Variants in KHDRBS3 observed in about 807,000 individuals in gnomAD.
KHDRBS3 encodes the protein KH domain-containing, RNA-binding, signal transduction-associated protein 3.
KHDRBS3 carries 23 observed loss-of-function variants against 45.6 expected under a neutral mutation model. The ratio of observed to expected loss-of-function variants is 0.50; its 90% CI spans 0.36 to 0.72. The LOEUF (loss-of-function observed/expected upper bound fraction) is 0.72, where lower values mean the gene tolerates loss of function less well. Ranked by LOEUF, KHDRBS3 falls within the 30% of genes least tolerant of loss-of-function variation. The pLI is 0.00. For missense variants in KHDRBS3, 352 were observed against 424.8 expected, an observed-to-expected ratio of 0.83 and a Z score of 1.51; for synonymous variants, 162 against 156.5, an observed-to-expected ratio of 1.04 and a Z score of -0.26.
intron 1 of KHDRBS3, among the ~76,000 whole-genome samples, chr8:135,487,483 A>G (rs533583875): frequency 2.0e-5 from 3 of 152,206 alleles, no homozygotes; most frequent in Non-Finnish European, 2.9e-5. Context: ...TCTGCTTTCA[A>G]GATGTACATA....
chr8:135,529,845 G>A (rs1304914778), intron 2 of KHDRBS3, among the ~76,000 whole-genome samples: 1 of 152,070 alleles, frequency 6.6e-6, no homozygotes, highest in African/African-American at 2.4e-5. Flanking sequence ...CAGATCACGA[G>A]GTCAGGAGAT....
intron 2 of KHDRBS3, among the ~76,000 whole-genome samples, chr8:135,533,415 A>G (rs1026767334): frequency 4.6e-5 from 7 of 152,168 alleles, no homozygotes; most frequent in African/African-American, 1.7e-4. Context: ...TTAATGATGA[A>G]TCTTGGCCTA....
intron 5 of KHDRBS3, among the ~76,000 whole-genome samples, chr8:135,563,929 G>A (rs949899268): frequency 6.6e-6 from 1 of 152,174 alleles, no homozygotes; most frequent in Admixed American, 6.5e-5. Flanking sequence ...GAAGAAACAT[G>A]AACAAAAGAG....
At chr8:135,458,020 AG>A in intron 1 of KHDRBS3, 66 bp downstream of exon 1, 6 of 1,501,202 alleles carry the variant, frequency 4.0e-6, no homozygotes, top group East Asian at 2.6e-5. Context: ...GCGGGGGCCC[AG>A]GGGGCCCCTC....
chr8:135,530,189 A>G (rs1183953218), intron 2 of KHDRBS3, among the ~76,000 whole-genome samples: 1 of 152,206 alleles, frequency 6.6e-6, no homozygotes, highest in African/African-American at 2.4e-5. Context: ...CCAAAAAGCA[A>G]AAATATTTTT....
intron 6 of KHDRBS3, among the ~76,000 whole-genome samples, chr8:135,590,785 T>G (rs527940994): frequency 2.3e-4 from 35 of 152,318 alleles, no homozygotes; most frequent in Middle Eastern, 3.4e-3. Context: ...TAAAATTGCC[T>G]TAGGGATTCT....
At chr8:135,532,496 C>T (rs553687280) in intron 2 of KHDRBS3, among the ~76,000 whole-genome samples, 23 of 152,258 alleles carry the variant, frequency 1.5e-4, no homozygotes, top group African/African-American at 5.3e-4. Flanking sequence ...CGTGCTAATA[C>T]ATTTGGGTGC....
intron 2 of KHDRBS3, among the ~76,000 whole-genome samples, chr8:135,530,829 A>G (rs1001985140): frequency 6.6e-6 from 1 of 152,166 alleles, no homozygotes; most frequent in Non-Finnish European, 1.5e-5. Flanking sequence ...TTCAGATACC[A>G]TTCATTTACT....
downstream of KHDRBS3, among the ~76,000 whole-genome samples, chr8:135,652,517 A>C (rs914560066): frequency 6.6e-6 from 1 of 152,234 alleles, no homozygotes; most frequent in Non-Finnish European, 1.5e-5. Context: ...TCCAGCCCTG[A>C]TAGATTGAAA....
chr8:135,531,064 C>T (rs1825450141), intron 2 of KHDRBS3, among the ~76,000 whole-genome samples: 2 of 152,340 alleles, frequency 1.3e-5, no homozygotes, highest in South Asian at 4.1e-4. Flanking sequence ...TTGTCCTCCA[C>T]ACACTTCCTC....
intron 5 of KHDRBS3, among the ~76,000 whole-genome samples, chr8:135,575,730 G>A (rs951068164): frequency 3.9e-5 from 6 of 151,990 alleles, no homozygotes; most frequent in South Asian, 2.1e-4. Context: ...GAGAGTTTTC[G>A]TATATCCTGC....
intron 6 of KHDRBS3, among the ~76,000 whole-genome samples, chr8:135,586,688 G>A (rs543348824): frequency 1.4e-4 from 22 of 152,216 alleles, no homozygotes; most frequent in African/African-American, 4.8e-4. Context: ...ACTCAGAAAC[G>A]TAATTTTTAA....
intron 8 of KHDRBS3, 107 bp downstream of exon 8, chr8:135,645,224 C>A: frequency 9.3e-7 from 1 of 1,079,162 alleles, no homozygotes; most frequent in Non-Finnish European, 1.4e-6. Context: ...TCTGAAACAG[C>A]AGCTTCCTGT....
At chr8:135,548,731 G>T (rs1198208500) in intron 3 of KHDRBS3, 23 bp from the exon 4 acceptor site, 2 of 1,485,900 alleles carry the variant, frequency 1.3e-6, no homozygotes, top group Admixed American at 2.3e-5. Context: ...TTTTAAATGT[G>T]ATTTCTTTTT....
chr8:135,650,050 TC>T (rs894045753), downstream of KHDRBS3, among the ~76,000 whole-genome samples: 1 of 152,150 alleles, frequency 6.6e-6, no homozygotes, highest in Non-Finnish European at 1.5e-5. Flanking sequence ...ATTTCATTGT[TC>T]CCAAATCGCT....
At chr8:135,485,243 G>A (rs1047075177) in intron 1 of KHDRBS3, among the ~76,000 whole-genome samples, 1 of 152,180 alleles carries the variant, frequency 6.6e-6, no homozygotes, top group African/African-American at 2.4e-5. Context: ...TGACATGAAG[G>A]AGACATTCAA....
chr8:135,576,231 A>G (rs548014039), intron 5 of KHDRBS3, among the ~76,000 whole-genome samples: 147 of 152,128 alleles, frequency 9.7e-4, no homozygotes, highest in Non-Finnish European at 1.8e-3. Context: ...AAGTTTCTCC[A>G]CTGTCGAATT....
chr8:135,546,389 G>T (rs1229891118), intron 3 of KHDRBS3, among the ~76,000 whole-genome samples: 2 of 152,016 alleles, frequency 1.3e-5, no homozygotes, highest in Non-Finnish European at 2.9e-5. Flanking sequence ...TAATTTTTCT[G>T]CATTTATTTG....
chr8:135,598,756 T>C (rs973238858), intron 6 of KHDRBS3, among the ~76,000 whole-genome samples: 4 of 152,228 alleles, frequency 2.6e-5, no homozygotes, highest in African/African-American at 9.6e-5. Context: ...ACTGAATTTC[T>C]GAAAAGACTG....
Sources: allele counts gnomAD v4.1 joint callset (sites outside exome capture counted in the v4.1 genomes callset), GRCh38; gene constraint gnomAD v4.1.1; transcripts MANE v1.5; gene names NCBI Gene and HGNC (gene_info 2026-07-23, HGNC 2026-07-21).